Variants in COL6A1 observed in about 807,000 individuals in gnomAD.
COL6A1 encodes the protein collagen alpha-1(VI) chain.
In COL6A1, 80 loss-of-function variants were observed where a neutral mutation model predicts 145.6. That is an observed-to-expected ratio of 0.55 (90% CI 0.46 to 0.66). COL6A1 has a LOEUF of 0.66. Ranked by LOEUF, COL6A1 falls within the 30% of genes least tolerant of loss-of-function variation. The pLI is 0.00. For missense variants in COL6A1, 1,364 were observed against 1,473.8 expected, an observed-to-expected ratio of 0.93 and a Z score of 1.22; for synonymous variants, 638 against 622.8, an observed-to-expected ratio of 1.02 and a Z score of -0.36.
Position 46,004,159 on chromosome 21 carries a change from G to C in COL6A1, c.*146G>C, listed in dbSNP as rs558686036. 1.8e-6 allele frequency: 2 copies of C among 1,119,080 alleles called. No homozygotes were observed. Among genetic ancestry groups the C allele is most frequent in the African/African-American group, 3.1e-5 (2 of 64,768 alleles). The allele number at this position is 1,119,080 out of a possible 1,614,324, so 69.3% of individuals were successfully genotyped here. On this transcript the variant is annotated 3_prime_UTR_variant, in exon 35 of 35. Coordinates refer to ENST00000361866, the MANE Select transcript of COL6A1 (RefSeq NM_001848.3). ...AAAGCTTGGAAAGCCAGGACACAAC[G>C]CTGCTGCCTGCTTTGTGCAGGGTCC...
rs747665716 is a variant in COL6A1 at position 45,984,393 on chromosome 21, G to A, written c.352G>A (p.Asp118Asn). Residue 118 changes from aspartate (D) to asparagine (N), a missense_variant, in exon 3 of 35, where the codon GAC becomes AAC. Asp to Asn is a conservative substitution (Grantham distance 23, BLOSUM62 1). This residue lies in a region of COL6A1 where 414 missense variants were observed against 437.6 expected (regional missense o/e 0.95). Coordinates refer to ENST00000361866, the MANE Select transcript of COL6A1 (RefSeq NM_001848.3). ...GGRDALKSSV[D>N]AVKYFGKGTY... ...CCGCGACGCACTCAAAAGCAGCGTG[G>A]ACGCGGTCAAGTACTTTGGGAAGGG... 10 of 1,612,638 alleles carry A rather than the reference G, an allele frequency of 6.2e-6. No individual in the cohort carries two copies. The East Asian group carries it at 6.7e-5, about 11-fold the overall frequency.
At chr21:45,987,337 C>A in intron 6 of COL6A1, 162 bp downstream of exon 6, 2 of 1,455,360 alleles carry the variant, frequency 1.4e-6, no homozygotes, top group Non-Finnish European at 1.9e-6. Flanking sequence ...TGTCCCCCTG[C>A]GTGTCCACCT....
At position 46,003,510 on chromosome 21, in the gene COL6A1, G is replaced by A. The variant is rs1409222936; in HGVS notation, c.2584G>A (p.Ala862Thr). ...AKRLAERFLTAGRTDPAHDVR... is the reference protein window; with the variant it reads ...AKRLAERFLTTGRTDPAHDVR... Reference sequence around the variant, plus strand: ...GCGCCTGGCCGAGCGCTTCCTCACAGCGGGCAGGACGGACCCCGCCCACGA... The same window carrying A: ...GCGCCTGGCCGAGCGCTTCCTCACAACGGGCAGGACGGACCCCGCCCACGA... The change falls in exon 35 of 35, where the codon GCG becomes ACG. Residue 862 changes from alanine (A) to threonine (T), a missense_variant. Physicochemically the swap from Ala to Thr is moderately conservative, Grantham distance 58 (BLOSUM62 0). Transcript: ENST00000361866. 1.2e-6 allele frequency: 2 copies of A among 1,611,574 alleles called. No individual in the cohort carries two copies. Among genetic ancestry groups the A allele is most frequent in the Admixed American group, 3.3e-5 (2 of 59,962 alleles).
intron 3 of COL6A1, among the ~76,000 whole-genome samples, chr21:45,985,591 C>A (rs1335791621): frequency 6.6e-6 from 1 of 152,226 alleles, no homozygotes; most frequent in Non-Finnish European, 1.5e-5. Flanking sequence ...CAGTGTCCAG[C>A]TGTGGGGACG....
At position 46,003,397 on chromosome 21, in the gene COL6A1, TCTC is replaced by T; in HGVS notation, c.2476_2478del (p.Ser826del). 1 of 1,600,564 alleles carries T rather than the reference TCTC, an allele frequency of 6.2e-7. No homozygotes were observed. The highest frequency in any genetic ancestry group is 1.3e-5 in the African/African-American group (1 of 75,006). On this transcript the variant is annotated inframe_deletion, in exon 35 of 35. Transcript: ENST00000361866. ...TGCCCACCCCGCCCCGCAGTCACGT[TCTC>T]CTCCCCGGCTGACATCACCATCCTG... is the stretch of plus-strand genomic sequence containing the variant.
At chr21:46,001,131 G>A (rs1279552266) in intron 29 of COL6A1, 122 bp from the exon 30 acceptor site, 86 of 1,378,900 alleles carry the variant, frequency 6.2e-5, no homozygotes, top group Non-Finnish European at 7.8e-5. Flanking sequence ...GGGCTGAGAC[G>A]GGGGGACCCC....
In COL6A1 at chr21:46,003,413, C is replaced by T. The variant is rs1304540788; in HGVS notation, c.2487C>T (p.Asp829=). 3 of 1,601,688 alleles carry T rather than the reference C, an allele frequency of 1.9e-6. No individual in the cohort carries two copies. Among genetic ancestry groups the T allele is most frequent in the Non-Finnish European group, 2.5e-6 (3 of 1,179,796 alleles). ...TCPITFSSPA[D]ITILLDGSAS... ...CAGTCACGTTCTCCTCCCCGGCTGA[C>T]ATCACCATCCTGCTGGACGGCTCCG... Residue 829 remains aspartate, a synonymous_variant, in exon 35 of 35, where the codon GAC becomes GAT. Transcript: ENST00000361866.
At chr21:45,987,326 G>C in intron 6 of COL6A1, 151 bp downstream of exon 6, 2 of 1,478,360 alleles carry the variant, frequency 1.4e-6, no homozygotes, top group Non-Finnish European at 1.9e-6. Context: ...CCCGGGATGT[G>C]TGTCCCCCTG....
At position 45,999,862 on chromosome 21, in the gene COL6A1, G is replaced by A. The variant is rs1395434568; in HGVS notation, c.1776+170G>A. On this transcript the variant is annotated intron_variant, in intron 27 of 34. Transcript: ENST00000361866. ...ACCCGTGACGGCCATGGGAGGACCC[G>A]TGAGGATCATAGGGGGATGTGTGAG... 5.1e-5 allele frequency among the ~76,000 whole-genome samples: 6 copies of A among 117,584 alleles called. 1 individual carries two copies. Among genetic ancestry groups the A allele is most frequent in the African/African-American group, 1.9e-4 (6 of 31,880 alleles). The allele number at this position is 117,584 out of a possible 152,430, so 77.1% of individuals were successfully genotyped here.
chr21:45,985,324 A>G (rs1299868827), intron 3 of COL6A1, among the ~76,000 whole-genome samples: 1 of 151,952 alleles, frequency 6.6e-6, no homozygotes. Context: ...AGAGAGATAG[A>G]AGCAGAGAGA....
chr21:45,999,073 CTGGATGCTCTG>C (rs2077823102), intron 25 of COL6A1, 69 bp from the exon 26 acceptor site: 1 of 1,543,088 alleles, frequency 6.5e-7, no homozygotes, highest in Non-Finnish European at 8.8e-7. Flanking sequence ...GCCCCGGCTG[CTGGATGCTCTG>C]TGGACGGGGC....
At chr21:45,995,595 G>A (rs559968684) in intron 20 of COL6A1, among the ~76,000 whole-genome samples, 5 of 152,332 alleles carry the variant, frequency 3.3e-5, no homozygotes, top group South Asian at 2.1e-4. Context: ...GCCACTATAA[G>A]AAAAAAACAA....
In COL6A1 at chr21:45,986,978, C is replaced by T. The variant is rs372199631; in HGVS notation, c.623C>T (p.Thr208Met). Residue 208 changes from threonine (T) to methionine (M), a missense_variant, in exon 5 of 35, where the codon ACG becomes ATG. Around this residue, in one of 3 missense-constraint regions of COL6A1, gnomAD observed 414 missense variants for 437.6 expected, o/e 0.95. Coordinates refer to ENST00000361866, the MANE Select transcript of COL6A1 (RefSeq NM_001848.3). ...CTGAGCATCATCGCCACGGACCACA[C>T]GTACCGGCGCAACTTCACGGCGGCT... Reference protein sequence around the residue: ...PRLSIIATDHTYRRNFTAADW... With the variant: ...PRLSIIATDHMYRRNFTAADW... 3.2e-5 allele frequency: 50 copies of T among 1,552,160 alleles called. No homozygotes were observed. Among genetic ancestry groups the T allele is most frequent in the Middle Eastern group, 1.7e-4 (1 of 6,014 alleles).
intron 29 of COL6A1, chr21:46,000,994 G>C (rs990958684): frequency 4.2e-6 from 3 of 706,828 alleles, no homozygotes; most frequent in Non-Finnish European, 7.2e-6. Context: ...GAGCAGGCTT[G>C]GGGGGGTCCC....
chr21:45,998,877 G>C lies in COL6A1; in HGVS notation c.1612-20G>C. 6.4e-7 allele frequency: 1 copy of C among 1,552,198 alleles called. No individual in the cohort carries two copies. Among genetic ancestry groups the C allele is most frequent in the East Asian group, 2.4e-5 (1 of 41,426 alleles). ...ACAAAATAAAACCCTTGTTAACCAA[G>C]TGCTCTCCCGTCACTGCAGGGCACG... On this transcript the variant is annotated intron_variant, in intron 24 of 34. Transcript: ENST00000361866.
chr21:45,987,675 C>G, intron 8 of COL6A1, 21 bp downstream of exon 8: 15 of 1,604,390 alleles, frequency 9.3e-6, no homozygotes, highest in Non-Finnish European at 1.3e-5. Context: ...ACTCCTGCTC[C>G]TCCCATGTGT....
At chr21:45,982,111 C>A (rs1284597789) in intron 1 of COL6A1, among the ~76,000 whole-genome samples, 164 bp downstream of exon 1, 1 of 152,174 alleles carries the variant, frequency 6.6e-6, no homozygotes, top group Non-Finnish European at 1.5e-5. Flanking sequence ...AGCTCTGCCC[C>A]ACCGGGCCTT....
At position 45,990,439 on chromosome 21, in the gene COL6A1, A is replaced by AGGATGGACGG. The variant is rs1569518217; in HGVS notation, c.1002+21_1002+30dup. On this transcript the variant is annotated intron_variant, in intron 13 of 34. Coordinates refer to ENST00000361866, the MANE Select transcript of COL6A1 (RefSeq NM_001848.3). ...GGCGTGAAGGTGACTGGGGGGAGAT[A>AGGATGGACGG]GGATGGACGGGGAGGGACGAGGAGG... The AGGATGGACGG allele has an allele frequency of 1.7e-6, 1 of 595,266 alleles. No individual in the cohort carries two copies. The highest frequency in any genetic ancestry group is 2.7e-5 in the South Asian group (1 of 37,576). 36.9% of individuals were successfully genotyped at this position (595,266 alleles called of 1,614,324 possible).
At position 45,992,755 on chromosome 21, in the gene COL6A1, C is replaced by A; in HGVS notation, c.1280C>A (p.Pro427His). 1 of 1,595,608 alleles carries A rather than the reference C, an allele frequency of 6.3e-7. No homozygotes were observed. Among genetic ancestry groups the A allele is most frequent in the African/African-American group, 1.3e-5 (1 of 74,848 alleles). ...PDGAPGERGGPGERGPRGTPG... is the reference protein window; with the variant it reads ...PDGAPGERGGHGERGPRGTPG... ...CCATGTCTCTCCACTCAGGGTGGCC[C>A]TGGAGAGAGAGGACCACGGGGGACC... is the stretch of plus-strand genomic sequence containing the variant. Residue 427 changes from proline to histidine, a missense_variant, in exon 19 of 35, where the codon CCT (proline) becomes CAT (histidine). Physicochemically the swap from Pro to His is moderately conservative, Grantham distance 77. This residue lies in a region of COL6A1 where 938 missense variants were observed against 1,003.8 expected (regional missense o/e 0.93). Coordinates refer to ENST00000361866, the MANE Select transcript of COL6A1 (RefSeq NM_001848.3).
Sources: gnomAD v4.1 joint callset for allele counts (sites outside exome capture counted in the v4.1 genomes callset) on GRCh38, gnomAD v4.1.1 for gene constraint, gnomAD v4.1.1 regional missense constraint, MANE v1.5 for transcripts, NCBI Gene and HGNC (gene_info 2026-07-23, HGNC 2026-07-21) for gene names.